The following GNA12 variants were observed in gnomAD, a reference collection of about 807,000 sequenced individuals.
GNA12 encodes guanine nucleotide-binding protein subunit alpha-12.
A neutral mutation model predicts 26.0 loss-of-function variants in GNA12; 9 were observed. That is an observed-to-expected ratio of 0.35 (90% CI 0.21 to 0.60). The LOEUF (loss-of-function observed/expected upper bound fraction) is 0.60. Ranked by LOEUF, GNA12 falls within the 20% of genes least tolerant of loss-of-function variation. The probability of loss-of-function intolerance (pLI) is 0.78; values close to 1 mark genes in which losing one functional copy is unlikely to be tolerated. For synonymous variants in GNA12, 264 were observed against 219.6 expected (o/e 1.20, Z -1.79); for missense variants, 405 against 525.8 (o/e 0.77, Z 2.25).
chr7:2,788,278 G>T (rs1049571383), intron 2 of GNA12, among the ~76,000 whole-genome samples: 2 of 152,210 alleles, frequency 1.3e-5, no homozygotes, highest in Non-Finnish European at 2.9e-5. Context: ...GGGACAGTTT[G>T]CTGGCTGTGA....
chr7:2,768,174 G>A (rs917367182), intron 2 of GNA12, among the ~76,000 whole-genome samples: 2 of 152,214 alleles, frequency 1.3e-5, no homozygotes, highest in East Asian at 1.9e-4. Context: ...ACTATAAATG[G>A]CCACGGGTAT....
Position 2,731,632 on chromosome 7 carries a change from C to T in GNA12, c.695G>A (p.Arg232Gln), listed in dbSNP as rs777850035. 1.2e-6 allele frequency: 2 copies of T among 1,613,750 alleles called. No homozygotes were observed. Among genetic ancestry groups the T allele is most frequent in the South Asian group, 1.1e-5 (1 of 91,074 alleles). The change falls in exon 4 of 4, where the codon CGG becomes CAG. Residue 232 changes from arginine (R) to glutamine (Q), a missense_variant. By Grantham distance (43) the Arg-to-Gln change is conservative (BLOSUM62 1). Coordinates refer to ENST00000275364, the MANE Select transcript of GNA12 (RefSeq NM_007353.3). This position sits in a 1 kb window ranked among gnomAD's most constrained non-coding sequence, Gnocchi z 6.0. Reference protein sequence around the residue: ...PFKMVDVGGQRSQRQKWFQCF... With the variant: ...PFKMVDVGGQQSQRQKWFQCF... ...CTGGAACCACTTCTGGCGCTGGGAC[C>T]GCTGGCCGCCCACATCCACCATCTT... is the stretch of plus-strand genomic sequence containing the variant.
In GNA12 at chr7:2,794,998, G is replaced by A. The variant is rs1792621771; in HGVS notation, c.455C>T (p.Pro152Leu). The change falls in exon 2 of 4, where the codon CCG (proline) becomes CTG (leucine). Residue 152 changes from proline to leucine, a missense_variant. Physicochemically the swap from Pro to Leu is moderately conservative, Grantham distance 98. Coordinates refer to ENST00000275364, the MANE Select transcript of GNA12 (RefSeq NM_007353.3). ...VEPATFQLYV[P>L]ALSALWRDSG... ...ATCCCTCCAGAGTGCGCTCAGGGCCGGGACGTACAGCTGGAAGGTGGCCGG... is the reference window on the plus strand; with the variant it reads ...ATCCCTCCAGAGTGCGCTCAGGGCCAGGACGTACAGCTGGAAGGTGGCCGG... 6 of 1,614,084 alleles carry A rather than the reference G, an allele frequency of 3.7e-6. No individual in the cohort carries two copies. Among genetic ancestry groups the A allele is most frequent in the African/African-American group, 1.3e-5 (1 of 74,928 alleles).
intron 1 of GNA12, among the ~76,000 whole-genome samples, chr7:2,841,997 G>A (rs1779001062): frequency 1.4e-5 from 1 of 72,302 alleles, no homozygotes; most frequent in African/African-American, 5.3e-5. Context: ...AAAGGGTAGA[G>A]AGGTAGGGAG....
At chr7:2,761,798 G>T (rs1165570853) in intron 2 of GNA12, among the ~76,000 whole-genome samples, 1 of 152,226 alleles carries the variant, frequency 6.6e-6, no homozygotes, top group Non-Finnish European at 1.5e-5. Context: ...AACGTGAAGA[G>T]ATGACCAACT....
At chr7:2,783,112 G>A (rs1351124554) in intron 2 of GNA12, among the ~76,000 whole-genome samples, 1 of 152,166 alleles carries the variant, frequency 6.6e-6, no homozygotes, top group Non-Finnish European at 1.5e-5. Flanking sequence ...ACCGTCTGCT[G>A]CAGCCTCTGG....
At chr7:2,833,855 A>G (rs1262448397) in intron 1 of GNA12, among the ~76,000 whole-genome samples, 1 of 152,226 alleles carries the variant, frequency 6.6e-6, no homozygotes, top group Non-Finnish European at 1.5e-5. Flanking sequence ...TAAAGGCCAG[A>G]ACAGCAGAGG....
chr7:2,813,857 C>T (rs1793146003), intron 1 of GNA12, among the ~76,000 whole-genome samples: 1 of 152,136 alleles, frequency 6.6e-6, no homozygotes, highest in Middle Eastern at 3.2e-3. Context: ...CTGGGCGTGT[C>T]TGTGAGGGTG....
chr7:2,762,244 A>G, intron 2 of GNA12: 1 of 200,052 alleles, frequency 5.0e-6, no homozygotes, highest in Non-Finnish European at 1.0e-5. Context: ...CACTGCTAGG[A>G]AACACCACCC....
intron 2 of GNA12, among the ~76,000 whole-genome samples, chr7:2,734,225 C>G (rs147133035): frequency 6.6e-6 from 1 of 152,182 alleles, no homozygotes; most frequent in Non-Finnish European, 1.5e-5. Context: ...ACACGGGGCA[C>G]GGGAGGAGCC....
intron 2 of GNA12, among the ~76,000 whole-genome samples, chr7:2,783,484 C>T (rs900319857): frequency 2.0e-5 from 3 of 151,962 alleles, no homozygotes; most frequent in African/African-American, 7.3e-5. Context: ...ATTCATTACA[C>T]GGCAGTCTCC....
intron 1 of GNA12, among the ~76,000 whole-genome samples, chr7:2,831,761 G>C (rs138705683): frequency 9.1e-4 from 139 of 152,214 alleles, no homozygotes; most frequent in African/African-American, 3.3e-3. Flanking sequence ...ATAGTTATTA[G>C]TCACCTCATG....
chr7:2,835,064 T>C (rs767861346), intron 1 of GNA12, among the ~76,000 whole-genome samples: 1 of 152,220 alleles, frequency 6.6e-6, no homozygotes, highest in African/African-American at 2.4e-5. Flanking sequence ...TGTGGATGGT[T>C]AGGACTTCTA....
At chr7:2,776,418 C>T (rs898907264) in intron 2 of GNA12, among the ~76,000 whole-genome samples, 3 of 152,212 alleles carry the variant, frequency 2.0e-5, no homozygotes, top group East Asian at 1.9e-4. Context: ...TGTCCAACAA[C>T]GGGCAGAGAC....
rs112555166 is a variant in GNA12 at position 2,808,944 on chromosome 7, C to T, written c.310-13801G>A. Among the ~76,000 whole-genome samples the T allele has an allele frequency of 6.7e-3, 1,023 of 152,330 alleles. 12 individuals are homozygous for T. The highest frequency in any genetic ancestry group is 0.023 in the African/African-American group (966 of 41,566). On this transcript the variant is annotated intron_variant, in intron 1 of 3. Coordinates refer to ENST00000275364, the MANE Select transcript of GNA12 (RefSeq NM_007353.3). The stretch of plus-strand genomic sequence containing the variant: ...AGGCCTTTGCACTTCTGGTTCCTGA[C>T]AACTGAAACCCTTTGCCCCGGATAG...
intron 2 of GNA12, among the ~76,000 whole-genome samples, chr7:2,787,516 C>T (rs769699084): frequency 1.3e-5 from 2 of 152,214 alleles, no homozygotes; most frequent in African/African-American, 4.8e-5. Context: ...GCTTGCCATT[C>T]TTCCAGCTAC....
rs148474629 is a variant in GNA12, at chr7:2,780,422, T to A, written c.525+14506A>T. On this transcript the variant is annotated intron_variant, in intron 2 of 3. Transcript: ENST00000275364. ...ATAGGAAAAATGCATAAAAGATACA[T>A]GCACTAACCGATAAAATAGCAATCA... Among the ~76,000 whole-genome samples the A allele has an allele frequency of 8.5e-5, 13 of 152,280 alleles. No homozygotes were observed. The East Asian group carries it at 1.9e-3, about 23-fold the overall frequency.
chr7:2,763,073 T>C, intron 2 of GNA12: 1 of 1,248,238 alleles, frequency 8.0e-7, no homozygotes, highest in Non-Finnish European at 1.0e-6. Context: ...CGGGGCTCCC[T>C]ACCAGCCTTG....
At chr7:2,820,946 G>A (rs1423483023) in intron 1 of GNA12, among the ~76,000 whole-genome samples, 2 of 152,190 alleles carry the variant, frequency 1.3e-5, no homozygotes, top group Non-Finnish European at 2.9e-5. Context: ...TCACTATGTT[G>A]CTCAGGCTGG....
Sources: allele counts gnomAD v4.1 joint callset (sites outside exome capture counted in the v4.1 genomes callset), GRCh38; gene constraint gnomAD v4.1.1; non-coding constraint Gnocchi (gnomAD v3.1); transcripts MANE v1.5; gene names NCBI Gene and HGNC (gene_info 2026-07-23, HGNC 2026-07-21).